HERC1: variants seen among roughly 807,000 people sequenced by gnomAD.
HERC1 encodes the protein HECT and RLD domain containing E3 ubiquitin protein ligase family member 1.
In HERC1, 160 loss-of-function variants were observed where a neutral mutation model predicts 554.3. The observed-to-expected ratio is 0.29, with a 90% CI of 0.25 to 0.33. The LOEUF is 0.33. Among genes scored for constraint, HERC1 ranks in the 10% least tolerant of loss-of-function variants. The pLI, the probability that HERC1 is intolerant of heterozygous loss-of-function variation, is 1.00. For synonymous variants in HERC1, 2,175 were observed against 2,131.7 expected, an observed-to-expected ratio of 1.02 and a Z score of -0.56; for missense variants, 4,919 against 5,918.5, an observed-to-expected ratio of 0.83 and a Z score of 5.54.
chr15:63,629,638 C>T (rs975975324), intron 69 of HERC1, among the ~76,000 whole-genome samples: 5 of 152,104 alleles, frequency 3.3e-5, no homozygotes, highest in African/African-American at 1.2e-4. Flanking sequence ...CCAAAGGTGC[C>T]TTCAACATTA....
In HERC1 at chr15:63,645,050, G is replaced by A. The variant is rs1341803851; in HGVS notation, c.11126C>T (p.Thr3709Ile). 1 of 1,613,634 alleles carries A rather than the reference G, an allele frequency of 6.2e-7. No homozygotes were observed. The highest frequency in any genetic ancestry group is 1.3e-5 in the African/African-American group (1 of 74,872). Residue 3709 changes from threonine (T) to isoleucine (I), a missense_variant, in exon 57 of 78, where the codon ACT (threonine) becomes ATT (isoleucine). By Grantham distance (89) the Thr-to-Ile change is moderately conservative (BLOSUM62 -1). Coordinates refer to ENST00000443617, the MANE Select transcript of HERC1 (RefSeq NM_003922.4). Reference sequence around the variant, plus strand: ...TGCACTAGTCACATTGGTCTGTGTAGTATCTTGAGGAATGCGCCAAACACA... The same window carrying A: ...TGCACTAGTCACATTGGTCTGTGTAATATCTTGAGGAATGCGCCAAACACA... ...LVCVWRIPQD[T>I]TQTNVTSAEG...
intron 64 of HERC1, 124 bp downstream of exon 64, chr15:63,637,381 T>TAAGTGA: frequency 1.3e-6 from 1 of 794,110 alleles, no homozygotes; most frequent in South Asian, 1.8e-5. Context: ...AATAAGGATT[T>TAAGTGA]AAATGTAAGT....
intron 34 of HERC1, among the ~76,000 whole-genome samples, chr15:63,685,808 C>T (rs1033272381): frequency 1.3e-5 from 2 of 152,216 alleles, no homozygotes; most frequent in African/African-American, 2.4e-5. Flanking sequence ...TGGCCCTTGG[C>T]TGGCATGGGG....
intron 74 of HERC1, among the ~76,000 whole-genome samples, chr15:63,621,353 C>T (rs966979739): frequency 1.1e-4 from 16 of 152,268 alleles, no homozygotes; most frequent in African/African-American, 3.4e-4. Context: ...GAGTTTCTGC[C>T]GAGATATCTG....
intron 1 of HERC1, among the ~76,000 whole-genome samples, chr15:63,803,083 T>C (rs969423725): frequency 1.3e-5 from 2 of 152,054 alleles, no homozygotes; most frequent in Admixed American, 6.6e-5. Flanking sequence ...TGCACCCCTA[T>C]AGTCTCAGCA....
At chr15:63,703,812 G>C (rs1436328714) in intron 25 of HERC1, among the ~76,000 whole-genome samples, 1 of 152,002 alleles carries the variant, frequency 6.6e-6, no homozygotes, top group African/African-American at 2.4e-5. Context: ...GAGAGGCTCA[G>C]ATGGGAGGGT....
At position 63,656,365 on chromosome 15, in the gene HERC1, G is replaced by GTAAAGAAAAACATCTCAGATGGA; in HGVS notation, c.9600-30_9600-8dup. On this transcript the variant is annotated splice_polypyrimidine_tract_variant and splice_region_variant and intron_variant, in intron 48 of 77. Transcript: ENST00000443617. ...CAGGCTACAACTGGAACCACTGCCA[G>GTAAAGAAAAACATCTCAGATGGA]TAAAGAAAAACATCTCAGATGGATA... The GTAAAGAAAAACATCTCAGATGGA allele has an allele frequency of 6.2e-7, 1 of 1,601,880 alleles. No homozygotes were observed. Among genetic ancestry groups the GTAAAGAAAAACATCTCAGATGGA allele is most frequent in the Non-Finnish European group, 8.5e-7 (1 of 1,172,282 alleles).
intron 74 of HERC1, among the ~76,000 whole-genome samples, chr15:63,618,474 T>C (rs1192907885): frequency 1.3e-5 from 2 of 151,326 alleles, no homozygotes; most frequent in African/African-American, 4.9e-5. Context: ...TAGGATTGAC[T>C]TGGCAATGCG....
At chr15:63,615,255 T>G (rs182750585) in intron 76 of HERC1, among the ~76,000 whole-genome samples, 222 of 152,256 alleles carry the variant, frequency 1.5e-3, no homozygotes, top group African/African-American at 4.9e-3. Flanking sequence ...AGAACCGATT[T>G]AAGGCACTGG....
intron 26 of HERC1, among the ~76,000 whole-genome samples, chr15:63,697,815 T>C (rs1182687074): frequency 2.0e-5 from 3 of 152,148 alleles, no homozygotes; most frequent in Non-Finnish European, 4.4e-5. Flanking sequence ...AGTTACAATT[T>C]TATCTCCTTC....
chr15:63,828,477 T>G (rs919403966), intron 1 of HERC1, among the ~76,000 whole-genome samples: 2 of 152,084 alleles, frequency 1.3e-5, no homozygotes, highest in Non-Finnish European at 2.9e-5. Context: ...GTAGCTGGGA[T>G]TACAGGCAAG....
chr15:63,727,158 C>T lies in HERC1; in HGVS notation c.3346+489G>A, dbSNP rs1324644517. 6.6e-6 allele frequency among the ~76,000 whole-genome samples: 1 copy of T among 152,108 alleles called. No individual in the cohort carries two copies. Among genetic ancestry groups the T allele is most frequent in the Non-Finnish European group, 1.5e-5 (1 of 68,024 alleles). The stretch of plus-strand genomic sequence containing the variant: ...GGACGTGGTGGTGCATGCCTGTAAT[C>T]CCAGCTACTCAGGAGGTTGAGCCAG... On this transcript the variant is annotated intron_variant, in intron 17 of 77. Coordinates refer to ENST00000443617, the MANE Select transcript of HERC1 (RefSeq NM_003922.4). This position sits in a 1 kb window ranked among gnomAD's most constrained non-coding sequence, Gnocchi z 4.3.
intron 11 of HERC1, 46 bp downstream of exon 11, chr15:63,747,678 G>A (rs185314923): frequency 5.8e-5 from 65 of 1,112,790 alleles, no homozygotes; most frequent in Admixed American, 1.7e-4. Context: ...GCACACACGC[G>A]CGCGCACACA....
intron 74 of HERC1, among the ~76,000 whole-genome samples, chr15:63,618,095 A>C (rs900191801): frequency 2.0e-5 from 3 of 152,034 alleles, no homozygotes; most frequent in African/African-American, 7.3e-5. Flanking sequence ...CTATGTCCTG[A>C]ATGGTAATGC....
At chr15:63,784,416 C>T (rs2076377490) in intron 1 of HERC1, among the ~76,000 whole-genome samples, 2 of 152,170 alleles carry the variant, frequency 1.3e-5, no homozygotes, top group Admixed American at 6.5e-5. Flanking sequence ...TGTAATAGTT[C>T]ATATACAGTA....
intron 32 of HERC1, 119 bp from the exon 33 acceptor site, chr15:63,689,818 T>C: frequency 1.7e-6 from 1 of 583,706 alleles, no homozygotes. Context: ...TATACCAGTG[T>C]TCAACAGCTA....
At chr15:63,695,576 C>T (rs896087867) in intron 27 of HERC1, among the ~76,000 whole-genome samples, 1 of 151,752 alleles carries the variant, frequency 6.6e-6, no homozygotes, top group Non-Finnish European at 1.5e-5. Flanking sequence ...TTAGTAGAGA[C>T]GGGGTTTCGC....
chr15:63,732,809 G>C, intron 14 of HERC1, 115 bp downstream of exon 14: 1 of 671,280 alleles, frequency 1.5e-6, no homozygotes. Flanking sequence ...TTCCCCTTGG[G>C]GGAGAGGGGT....
At position 63,609,769 on chromosome 15, in the gene HERC1, G is replaced by A. The variant is rs577962340; in HGVS notation, c.14401-503C>T. On this transcript the variant is annotated intron_variant, in intron 77 of 77. Coordinates refer to ENST00000443617, the MANE Select transcript of HERC1 (RefSeq NM_003922.4). ...TGTGCATTCTGCCTCCTTTGCAGGC[G>A]CCATGGCTGCCTCGCACAGCTCACA... Among the ~76,000 whole-genome samples, 176 of 152,258 alleles carry A rather than the reference G, an allele frequency of 1.2e-3. 1 individual carries two copies. The highest frequency in any genetic ancestry group is 4.1e-3 in the African/African-American group (171 of 41,540).
Sources: gnomAD v4.1 joint callset for allele counts (sites outside exome capture counted in the v4.1 genomes callset) on GRCh38, gnomAD v4.1.1 for gene constraint, Gnocchi (gnomAD v3.1) non-coding constraint, MANE v1.5 for transcripts, NCBI Gene and HGNC (gene_info 2026-07-23, HGNC 2026-07-21) for gene names.